Variants in KIAA1217 observed in about 807,000 individuals in gnomAD.
The protein encoded by KIAA1217 is sickle tail protein homolog.
In KIAA1217, 88 loss-of-function variants were observed where a neutral mutation model predicts 163.9. That is an observed-to-expected ratio of 0.54 (90% confidence interval 0.45 to 0.64). The LOEUF (loss-of-function observed/expected upper bound fraction) is 0.64. Among genes scored for constraint, KIAA1217 ranks in the 30% least tolerant of loss-of-function variants. The pLI is 0.00. For synonymous variants in KIAA1217, 903 were observed against 923.1 expected (o/e 0.98, Z 0.39); for missense variants, 2,372 against 2,475.0 (o/e 0.96, Z 0.88).
At chr10:24,128,424 G>T (rs10508668) in intron 2 of KIAA1217, among the ~76,000 whole-genome samples, 11,361 of 152,244 alleles carry the variant, frequency 0.075, 525 homozygotes, top group African/African-American at 0.12. Flanking sequence ...ACTGGGATCA[G>T]CAAAGCTAAT....
chr10:24,250,727 A>C (rs2074409298), intron 2 of KIAA1217, among the ~76,000 whole-genome samples: 1 of 128,008 alleles, frequency 7.8e-6, no homozygotes, highest in South Asian at 3.2e-4. Context: ...CTGGGATTAC[A>C]GGCGTGAGCC....
At chr10:24,306,152 AC>A (rs2041985141) in intron 2 of KIAA1217, among the ~76,000 whole-genome samples, 1 of 152,084 alleles carries the variant, frequency 6.6e-6, no homozygotes, top group Non-Finnish European at 1.5e-5. Context: ...CTATTTGATC[AC>A]TCTTCAGGCA....
At chr10:23,790,052 C>T (rs567908273) in intron 1 of KIAA1217, among the ~76,000 whole-genome samples, 1 of 113,738 alleles carries the variant, frequency 8.8e-6, no homozygotes, top group Non-Finnish European at 1.7e-5. Context: ...TATGCATATA[C>T]ACATATACAC....
intron 1 of KIAA1217, among the ~76,000 whole-genome samples, chr10:23,986,489 C>T (rs1377485527): frequency 6.6e-6 from 1 of 152,192 alleles, no homozygotes; most frequent in African/African-American, 2.4e-5. Context: ...AGATTACTTA[C>T]AATATCTAAT....
At chr10:24,117,604 C>T (rs1460946762) in intron 2 of KIAA1217, among the ~76,000 whole-genome samples, 1 of 152,072 alleles carries the variant, frequency 6.6e-6, no homozygotes, top group Non-Finnish European at 1.5e-5. Flanking sequence ...CACTGCACTC[C>T]AGCCTGGGCA....
intron 1 of KIAA1217, among the ~76,000 whole-genome samples, chr10:23,729,326 G>T (rs1167466027): frequency 4.6e-5 from 7 of 152,148 alleles, no homozygotes; most frequent in Admixed American, 2.0e-4. Context: ...GGGCATGATT[G>T]CTGGATCATA....
chr10:23,819,766 C>G (rs760782653), intron 1 of KIAA1217, among the ~76,000 whole-genome samples: 1 of 152,082 alleles, frequency 6.6e-6, no homozygotes, highest in Admixed American at 6.6e-5. Flanking sequence ...ATTTTTGAAC[C>G]AGATTTCCCT....
At chr10:24,259,031 C>T (rs1379343331) in intron 2 of KIAA1217, among the ~76,000 whole-genome samples, 1 of 152,084 alleles carries the variant, frequency 6.6e-6, no homozygotes, top group Non-Finnish European at 1.5e-5. Flanking sequence ...CTGGTTCCAG[C>T]GAGGCACAAG....
At chr10:24,368,087 G>A (rs1197457280) in intron 2 of KIAA1217, among the ~76,000 whole-genome samples, 1 of 152,290 alleles carries the variant, frequency 6.6e-6, no homozygotes, top group African/African-American at 2.4e-5. Context: ...TAAAGTTCAA[G>A]TTTAGACACT....
At chr10:23,861,260 ACACAGGCAGGAGATCC>A (rs1839937758) in intron 1 of KIAA1217, among the ~76,000 whole-genome samples, 2 of 152,080 alleles carry the variant, frequency 1.3e-5, no homozygotes, top group East Asian at 3.9e-4. Context: ...CTGTTTAGTA[ACACAGGCAGGAGATCC>A]ACATCAAGAA....
intron 2 of KIAA1217, among the ~76,000 whole-genome samples, chr10:24,044,270 G>A (rs778498126): frequency 5.9e-5 from 9 of 152,088 alleles, no homozygotes; most frequent in East Asian, 1.9e-4. Flanking sequence ...AGGCTTTCAC[G>A]GAACGTGGTT....
At chr10:24,328,452 T>C (rs1466570132) in intron 2 of KIAA1217, among the ~76,000 whole-genome samples, 1 of 151,868 alleles carries the variant, frequency 6.6e-6, no homozygotes, top group Non-Finnish European at 1.5e-5. Flanking sequence ...CTCAGATAAG[T>C]CAAATGTAAC....
chr10:24,068,850 A>T (rs1410194389), intron 2 of KIAA1217, among the ~76,000 whole-genome samples: 1 of 152,206 alleles, frequency 6.6e-6, no homozygotes, highest in Admixed American at 6.5e-5. Context: ...TTTTCTGCAG[A>T]TTCTGTGCTG....
At chr10:24,390,277 A>T (rs889871079) in intron 3 of KIAA1217, among the ~76,000 whole-genome samples, 7 of 152,032 alleles carry the variant, frequency 4.6e-5, no homozygotes, top group African/African-American at 1.4e-4. Context: ...CTTGGCAGGG[A>T]GCTGTAAGTG....
intron 2 of KIAA1217, among the ~76,000 whole-genome samples, chr10:24,053,332 CTT>C (rs1381133587): frequency 6.6e-6 from 1 of 152,056 alleles, no homozygotes; most frequent in African/African-American, 2.4e-5. Context: ...ACAAGTTAGA[CTT>C]TAACAGACAT....
At chr10:23,950,059 C>T (rs1844256529) in intron 1 of KIAA1217, among the ~76,000 whole-genome samples, 2 of 152,118 alleles carry the variant, frequency 1.3e-5, no homozygotes, top group South Asian at 4.1e-4. Context: ...TGCAATCGTT[C>T]AGGGCCAGTA....
At chr10:24,524,299 G>A (rs918247277) in intron 12 of KIAA1217, 24 bp from the exon 13 acceptor site, 5 of 1,592,616 alleles carry the variant, frequency 3.1e-6, no homozygotes, top group Non-Finnish European at 4.3e-6. Flanking sequence ...GAGGGTTAAT[G>A]CCGCTGTGCA....
chr10:24,495,100 AGGC>A, intron 7 of KIAA1217, 44 bp from the exon 8 acceptor site: 1 of 1,471,278 alleles, frequency 6.8e-7, no homozygotes, highest in Non-Finnish European at 9.2e-7. Flanking sequence ...AAAAAAAAAA[AGGC>A]ATTTTGGAAA....
intron 2 of KIAA1217, among the ~76,000 whole-genome samples, chr10:24,066,961 A>G (rs1021772052): frequency 1.3e-5 from 2 of 152,130 alleles, no homozygotes; most frequent in Non-Finnish European, 2.9e-5. Context: ...TGCATTCGTC[A>G]CGTAGTTCTC....
Sources: gnomAD v4.1 joint callset for allele counts (sites outside exome capture counted in the v4.1 genomes callset) on GRCh38, gnomAD v4.1.1 for gene constraint, MANE v1.5 for transcripts, NCBI Gene and HGNC (gene_info 2026-07-23, HGNC 2026-07-21) for gene names.